Variants in GPC3 observed in about 807,000 individuals in gnomAD.
GPC3 encodes the protein glypican-3.
A neutral mutation model predicts 34.4 loss-of-function variants in GPC3; 3 were observed. The observed-to-expected ratio is 0.09, with a 90% CI of 0.04 to 0.23. The LOEUF (loss-of-function observed/expected upper bound fraction) is 0.23, where lower values mean the gene tolerates loss of function less well. Among genes scored for constraint, GPC3 ranks in the 10% least tolerant of loss-of-function variants. GPC3 has a pLI of 1.00. For synonymous variants in GPC3, 177 were observed against 174.0 expected, an observed-to-expected ratio of 1.02 and a Z score of -0.13; for missense variants, 351 against 445.6, an observed-to-expected ratio of 0.79 and a Z score of 1.91.
chrX:133,794,098 C>A (rs1170801674), intron 2 of GPC3, among the ~76,000 whole-genome samples: 1 of 112,240 alleles, frequency 8.9e-6, no homozygotes, highest in Non-Finnish European at 1.9e-5. Context: ...AAAAGCAAGA[C>A]CTTTAAAGCA....
At chrX:133,805,280 C>T (rs1266609693) in intron 2 of GPC3, among the ~76,000 whole-genome samples, 1 of 112,020 alleles carries the variant, frequency 8.9e-6, no homozygotes, top group Non-Finnish European at 1.9e-5. Context: ...ACTCCCCACC[C>T]CTCTAATTAT....
chrX:133,632,766 A>G (rs2070379871), intron 6 of GPC3, among the ~76,000 whole-genome samples: 1 of 111,581 alleles, frequency 9.0e-6, no homozygotes, highest in African/African-American at 3.3e-5. Context: ...TAAGCTTTAC[A>G]GGGGAAGGGA....
intron 2 of GPC3, among the ~76,000 whole-genome samples, chrX:133,797,522 G>A (rs2124516610): frequency 9.0e-6 from 1 of 111,246 alleles, no homozygotes; most frequent in Non-Finnish European, 1.9e-5. Context: ...TGTATTATTA[G>A]GTTTTGTTTC....
chrX:133,685,139 T>C (rs968456738), intron 5 of GPC3, among the ~76,000 whole-genome samples: 1 of 111,585 alleles, frequency 9.0e-6, no homozygotes. Flanking sequence ...CCCAACCAAA[T>C]TTCTCAAAAT....
chrX:133,847,161 T>C (rs1373059968), intron 2 of GPC3, among the ~76,000 whole-genome samples: 1 of 111,853 alleles, frequency 8.9e-6, no homozygotes, highest in African/African-American at 3.2e-5. Context: ...ATAAAATGTT[T>C]CAAGACAAAA....
intron 2 of GPC3, among the ~76,000 whole-genome samples, chrX:133,934,743 C>T (rs753967640): frequency 6.8e-5 from 7 of 103,694 alleles, no homozygotes; most frequent in Middle Eastern, 5.2e-3. Flanking sequence ...GGCTGGTCTT[C>T]GAACTCCTGG....
chrX:133,754,234 C>G (rs748297100), intron 2 of GPC3, 58 bp from the exon 3 acceptor site: 80 of 912,167 alleles, frequency 8.8e-5, no homozygotes, highest in Admixed American at 2.1e-4. Context: ...GCATGAAAAT[C>G]CAGTGTGAAA....
chrX:133,824,892 G>A (rs893524188), intron 2 of GPC3, among the ~76,000 whole-genome samples: 14 of 111,910 alleles, frequency 1.3e-4, no homozygotes, highest in Admixed American at 3.8e-4. Flanking sequence ...TCTGTCGCCC[G>A]GGCTGGAGTG....
In GPC3 at chrX:133,602,648, T is replaced by C. The variant is rs145522037; in HGVS notation, c.1414-6049A>G. On this transcript the variant is annotated intron_variant, in intron 6 of 7. Coordinates refer to ENST00000370818, the MANE Select transcript of GPC3 (RefSeq NM_004484.4). ...GTAGGATGAATATGGTTAATAATAA[T>C]TTATTGTATATTTTCTAAAAGCTAG... Among the ~76,000 whole-genome samples the C allele has an allele frequency of 6.3e-4, 70 of 111,440 alleles. 1 individual carries two copies. The East Asian group carries it at 0.018, about 28-fold the overall frequency.
At chrX:133,985,090 C>G (rs2076560525) in intron 1 of GPC3, among the ~76,000 whole-genome samples, 185 bp downstream of exon 1, 1 of 112,049 alleles carries the variant, frequency 8.9e-6, no homozygotes, top group Non-Finnish European at 1.9e-5. Context: ...GGGCTCCGTC[C>G]ACACACACCC....
chrX:133,654,100 T>C (rs777580281), intron 6 of GPC3, among the ~76,000 whole-genome samples: 1 of 111,572 alleles, frequency 9.0e-6, no homozygotes, highest in African/African-American at 3.3e-5. Context: ...AAATGAAATC[T>C]AAATTCAGAA....
At chrX:133,699,705 C>T (rs1393014931) in intron 4 of GPC3, among the ~76,000 whole-genome samples, 190 bp downstream of exon 4, 2 of 112,135 alleles carry the variant, frequency 1.8e-5, no homozygotes, top group Non-Finnish European at 3.8e-5. Context: ...AGTAAATTTA[C>T]ATTTAAATAT....
chrX:133,840,218 GTGT>G (rs749580201), intron 2 of GPC3, among the ~76,000 whole-genome samples: 7 of 111,243 alleles, frequency 6.3e-5, no homozygotes, highest in Non-Finnish European at 1.3e-4. Flanking sequence ...AGAAGCTATA[GTGT>G]CTTATATCTC....
At chrX:133,629,750 A>G (rs1044887720) in intron 6 of GPC3, among the ~76,000 whole-genome samples, 15 of 109,636 alleles carry the variant, frequency 1.4e-4, no homozygotes, top group African/African-American at 4.6e-4. Context: ...TTATTTTGGA[A>G]TGAACCTTTG....
At chrX:133,980,576 A>G (rs2076533944) in intron 1 of GPC3, among the ~76,000 whole-genome samples, 1 of 112,310 alleles carries the variant, frequency 8.9e-6, no homozygotes, top group African/African-American at 3.2e-5. Context: ...AGCATTCACA[A>G]AAAAATGTAC....
intron 2 of GPC3, among the ~76,000 whole-genome samples, chrX:133,849,297 C>T (rs1181910935): frequency 1.8e-5 from 2 of 109,768 alleles, no homozygotes; most frequent in Non-Finnish European, 3.8e-5. Flanking sequence ...AACGTATTCT[C>T]ACCTAATTAT....
chrX:133,936,209 T>TATA (rs58972441), intron 2 of GPC3, among the ~76,000 whole-genome samples: 4,925 of 99,408 alleles, frequency 0.05, 127 homozygotes, highest in East Asian at 0.11. Context: ...AAACTTAAAG[T>TATA]ATAATAATAA....
At chrX:133,607,341 G>A (rs993510301) in intron 6 of GPC3, among the ~76,000 whole-genome samples, 1 of 111,790 alleles carries the variant, frequency 8.9e-6, no homozygotes, top group Non-Finnish European at 1.9e-5. Flanking sequence ...CTGACACATA[G>A]TGGGTGCTCA....
intron 1 of GPC3, among the ~76,000 whole-genome samples, chrX:133,981,027 A>C (rs2094333541): frequency 8.9e-6 from 1 of 112,435 alleles, no homozygotes; most frequent in South Asian, 3.7e-4. Flanking sequence ...CAACCATTAA[A>C]ATTCTTCTTA....
Sources: gnomAD v4.1 joint callset for allele counts (sites outside exome capture counted in the v4.1 genomes callset) on GRCh38, gnomAD v4.1.1 for gene constraint, MANE v1.5 for transcripts, NCBI Gene and HGNC (gene_info 2026-07-23, HGNC 2026-07-21) for gene names.